The following ARHGAP28 variants were observed in gnomAD, a reference collection of about 807,000 sequenced individuals.
The protein encoded by ARHGAP28 is Rho GTPase activating protein 28.
ARHGAP28 carries 56 observed loss-of-function variants against 90.7 expected under a neutral mutation model. The observed-to-expected ratio is 0.62, with a 90% CI of 0.50 to 0.77. The LOEUF (loss-of-function observed/expected upper bound fraction) is 0.77. Among genes scored for constraint, ARHGAP28 ranks in the 30% least tolerant of loss-of-function variants. The pLI is 0.00. For synonymous variants in ARHGAP28, 308 were observed against 323.3 expected (o/e 0.95, Z 0.51); for missense variants, 869 against 900.9 (o/e 0.96, Z 0.45).
chr18:6,766,974 T>C (rs2056204754), intron 1 of ARHGAP28, among the ~76,000 whole-genome samples: 1 of 152,214 alleles, frequency 6.6e-6, no homozygotes, highest in Non-Finnish European at 1.5e-5. Context: ...GCATATATGC[T>C]TGGGTTTGGT....
At chr18:6,848,766 A>G (rs1034787680) in intron 3 of ARHGAP28, among the ~76,000 whole-genome samples, 3 of 152,304 alleles carry the variant, frequency 2.0e-5, no homozygotes, top group Non-Finnish European at 2.9e-5. Flanking sequence ...CTTGAGCTCC[A>G]TGTGAAAGAG....
intron 5 of ARHGAP28, among the ~76,000 whole-genome samples, chr18:6,863,356 CAATT>C (rs776293153): frequency 7.3e-5 from 11 of 151,670 alleles, no homozygotes; most frequent in Non-Finnish European, 1.5e-4. Flanking sequence ...CTTCTTTAAT[CAATT>C]ACTTTAGGAA....
intron 1 of ARHGAP28, among the ~76,000 whole-genome samples, chr18:6,759,204 A>T (rs570303842): frequency 2.6e-5 from 4 of 152,316 alleles, no homozygotes; most frequent in South Asian, 2.1e-4. Context: ...ATCCTTTTAG[A>T]CACAGTTACT....
At chr18:6,737,627 T>G (rs2055939921) in intron 1 of ARHGAP28, among the ~76,000 whole-genome samples, 1 of 152,152 alleles carries the variant, frequency 6.6e-6, no homozygotes, top group Non-Finnish European at 1.5e-5. Flanking sequence ...CTTGTTTGCT[T>G]TTTGTCTCTT....
At chr18:6,754,802 A>C (rs543888713) in intron 1 of ARHGAP28, 4 of 152,280 alleles carry the variant, frequency 2.6e-5, no homozygotes, top group Admixed American at 2.6e-4. Context: ...TGAATAAATG[A>C]ATTTGATCCA....
chr18:6,800,698 G>A (rs992623529), intron 1 of ARHGAP28, among the ~76,000 whole-genome samples: 9 of 152,124 alleles, frequency 5.9e-5, no homozygotes, highest in African/African-American at 2.2e-4. Flanking sequence ...ATCACACACT[G>A]GGACCTGTCA....
chr18:6,841,157 T>TCACTGTCTCTCTCC (rs2056808776), intron 3 of ARHGAP28, among the ~76,000 whole-genome samples: 3 of 70,316 alleles, frequency 4.3e-5, no homozygotes, highest in South Asian at 5.2e-4. Flanking sequence ...TCTCTCCTCT[T>TCACTGTCTCTCTCC]TCTCTCTCTC....
At chr18:6,781,291 C>T (rs2056322232) in intron 1 of ARHGAP28, among the ~76,000 whole-genome samples, 1 of 152,160 alleles carries the variant, frequency 6.6e-6, no homozygotes, top group Non-Finnish European at 1.5e-5. Context: ...AAGAGTGGAT[C>T]TATGGGGTGG....
chr18:6,851,362 C>T (rs188722570), intron 4 of ARHGAP28, among the ~76,000 whole-genome samples: 1 of 152,002 alleles, frequency 6.6e-6, no homozygotes, highest in East Asian at 1.9e-4. Context: ...TATGGAAATG[C>T]GAAGAAAGCC....
At chr18:6,841,203 C>CTCTCTCTCTCTCTCT (rs754874496) in intron 3 of ARHGAP28, among the ~76,000 whole-genome samples, 17 of 41,972 alleles carry the variant, frequency 4.1e-4, no homozygotes, top group African/African-American at 1.7e-3. Context: ...CTCTCTCTCT[C>CTCTCTCTCTCTCTCT]CTCTCCTCTC....
intron 2 of ARHGAP28, among the ~76,000 whole-genome samples, chr18:6,833,827 C>G (rs1020912378): frequency 6.6e-6 from 1 of 152,106 alleles, no homozygotes. Context: ...CCACTCTACA[C>G]CAAGTTATTT....
chr18:6,803,681 CT>C (rs1384320420), intron 1 of ARHGAP28, among the ~76,000 whole-genome samples: 1 of 151,984 alleles, frequency 6.6e-6, no homozygotes. Context: ...AATAAATTAT[CT>C]TTTTCTTAAA....
intron 1 of ARHGAP28, among the ~76,000 whole-genome samples, chr18:6,787,544 C>T (rs1276610036): frequency 6.6e-6 from 1 of 152,006 alleles, no homozygotes; most frequent in Non-Finnish European, 1.5e-5. Flanking sequence ...CTATCTAGGC[C>T]CTACCCCCGG....
intron 1 of ARHGAP28, among the ~76,000 whole-genome samples, chr18:6,810,440 G>A (rs2056548261): frequency 6.6e-6 from 1 of 152,050 alleles, no homozygotes; most frequent in East Asian, 1.9e-4. Flanking sequence ...GCAACATCCA[G>A]ATAGAGATGT....
In ARHGAP28 at chr18:6,870,651, T is replaced by G. The variant is rs1414433154; in HGVS notation, c.873T>G (p.Ser291=). Residue 291 remains serine (S), a synonymous_variant, in exon 7 of 18, where the codon TCT becomes TCG. Transcript: ENST00000383472. ...PEAEELSFEV[S]YSEMVTEALK... ...CTGAAGAGCTGTCATTTGAAGTGTC[T>G]TATTCAGAAATGGTTACGGAGGCTC... 6.2e-7 allele frequency: 1 copy of G among 1,612,618 alleles called. No individual in the cohort carries two copies. The highest frequency in any genetic ancestry group is 8.5e-7 in the Non-Finnish European group (1 of 1,179,058).
chr18:6,828,302 TAC>T (rs2056689998), intron 2 of ARHGAP28, among the ~76,000 whole-genome samples: 2 of 152,018 alleles, frequency 1.3e-5, no homozygotes, highest in Admixed American at 1.3e-4. Flanking sequence ...ATGGCAGCAG[TAC>T]AGTCCAGCTT....
chr18:6,910,139 G>A (rs1323413512), intron 17 of ARHGAP28, among the ~76,000 whole-genome samples: 4 of 152,042 alleles, frequency 2.6e-5, no homozygotes, highest in South Asian at 2.1e-4. Flanking sequence ...CAGACAACTC[G>A]TCTGTTTTTA....
At chr18:6,794,992 A>G (rs949154051) in intron 1 of ARHGAP28, among the ~76,000 whole-genome samples, 11 of 152,084 alleles carry the variant, frequency 7.2e-5, no homozygotes, top group African/African-American at 2.7e-4. Flanking sequence ...CTAATTTTTT[A>G]ATTGCAATTT....
intron 1 of ARHGAP28, among the ~76,000 whole-genome samples, chr18:6,783,123 A>G (rs1268862184): frequency 2.0e-5 from 3 of 152,042 alleles, no homozygotes; most frequent in Admixed American, 6.6e-5. Flanking sequence ...ATGGCTTCCC[A>G]GCACTTTGCC....
Sources: gnomAD v4.1 joint callset for allele counts (sites outside exome capture counted in the v4.1 genomes callset) on GRCh38, gnomAD v4.1.1 for gene constraint, MANE v1.5 for transcripts, NCBI Gene and HGNC (gene_info 2026-07-23, HGNC 2026-07-21) for gene names.